The following TCF4 variants were observed in gnomAD, a reference collection of about 807,000 sequenced individuals.
The protein encoded by TCF4 is transcription factor 4.
TCF4 carries 3 observed loss-of-function variants against 82.1 expected under a neutral mutation model. The observed-to-expected ratio is 0.04, with a 90% CI of 0.02 to 0.09. The LOEUF is 0.09. Ranked by LOEUF, TCF4 falls within the 10% of genes least tolerant of loss-of-function variation. TCF4 has a pLI of 1.00. For synonymous variants in TCF4, 276 were observed against 309.6 expected (o/e 0.89, Z 1.14); for missense variants, 518 against 852.7 (o/e 0.61, Z 4.89).
chr18:55,416,243 T>C (rs953329044), intron 5 of TCF4, among the ~76,000 whole-genome samples: 2 of 151,926 alleles, frequency 1.3e-5, no homozygotes, highest in Admixed American at 6.6e-5. Context: ...ATAGCACAAA[T>C]TGAAAAAAAA....
intron 8 of TCF4, among the ~76,000 whole-genome samples, chr18:55,343,613 T>C (rs2080498995): frequency 6.6e-6 from 1 of 152,154 alleles, no homozygotes; most frequent in Non-Finnish European, 1.5e-5. Context: ...CCTGAAATTT[T>C]ACAAAATGCA....
At chr18:55,295,391 C>T (rs1047356819) in intron 8 of TCF4, among the ~76,000 whole-genome samples, 1 of 152,130 alleles carries the variant, frequency 6.6e-6, no homozygotes, top group Admixed American at 6.6e-5. Flanking sequence ...TGCCTGTTCT[C>T]CACTTCTTTA....
chr18:55,337,766 C>G (rs2078958254), intron 8 of TCF4, among the ~76,000 whole-genome samples: 1 of 152,012 alleles, frequency 6.6e-6, no homozygotes, highest in South Asian at 2.1e-4. Context: ...GTATTATTGC[C>G]TTATGCCAGA....
At chr18:55,503,389 A>G (rs914783688) in intron 3 of TCF4, among the ~76,000 whole-genome samples, 6 of 152,268 alleles carry the variant, frequency 3.9e-5, no homozygotes, top group East Asian at 3.9e-4. Context: ...ATCACTAGCC[A>G]TCTTCTACAC....
At chr18:55,395,342 C>A (rs2093425132) in intron 6 of TCF4, among the ~76,000 whole-genome samples, 1 of 152,186 alleles carries the variant, frequency 6.6e-6, no homozygotes, top group Non-Finnish European at 1.5e-5. Context: ...AGATGAAGAA[C>A]TGTAGTCCTA....
At chr18:55,305,520 T>C (rs766056846) in intron 8 of TCF4, among the ~76,000 whole-genome samples, 4 of 152,226 alleles carry the variant, frequency 2.6e-5, no homozygotes, top group Non-Finnish European at 5.9e-5. Flanking sequence ...TTTCAATTAA[T>C]ACTCCAGAAT....
chr18:55,340,341 G>C (rs2079612490), intron 8 of TCF4, among the ~76,000 whole-genome samples: 1 of 152,038 alleles, frequency 6.6e-6, no homozygotes, highest in African/African-American at 2.4e-5. Context: ...ATGATTAAAA[G>C]GGCTGACTAC....
chr18:55,270,888 T>C (rs550852498), intron 10 of TCF4, among the ~76,000 whole-genome samples: 5 of 152,244 alleles, frequency 3.3e-5, no homozygotes, highest in African/African-American at 1.2e-4. Context: ...GTTATTCTCA[T>C]AGGCATCTGA....
intron 8 of TCF4, among the ~76,000 whole-genome samples, chr18:55,338,336 C>T (rs879842249): frequency 5.9e-5 from 9 of 152,160 alleles, no homozygotes; most frequent in African/African-American, 1.2e-4. Context: ...AGATGGCAAG[C>T]GTGCCACAAA....
intron 8 of TCF4, among the ~76,000 whole-genome samples, chr18:55,299,384 C>T (rs1475248657): frequency 6.6e-6 from 1 of 151,250 alleles, no homozygotes; most frequent in African/African-American, 2.4e-5. Flanking sequence ...TGCACTCCAA[C>T]CTGGGCAACA....
At chr18:55,367,825 ATAGT>A (rs780602337) in intron 6 of TCF4, among the ~76,000 whole-genome samples, 1 of 152,262 alleles carries the variant, frequency 6.6e-6, no homozygotes, top group African/African-American at 2.4e-5. Flanking sequence ...TGATTAATAG[ATAGT>A]TAAACTCTAG....
At chr18:55,456,179 C>T (rs762644388) in intron 5 of TCF4, among the ~76,000 whole-genome samples, 7 of 152,204 alleles carry the variant, frequency 4.6e-5, no homozygotes, top group Admixed American at 3.3e-4. Flanking sequence ...ACCACAGTAA[C>T]CAAATCAAAA....
intron 3 of TCF4, among the ~76,000 whole-genome samples, chr18:55,487,831 C>T (rs945773024): frequency 2.0e-5 from 3 of 151,884 alleles, no homozygotes; most frequent in African/African-American, 7.3e-5. Flanking sequence ...GACTTGACTA[C>T]CTGATATATA....
intron 5 of TCF4, among the ~76,000 whole-genome samples, chr18:55,432,433 T>C (rs190325271): frequency 1.3e-5 from 2 of 151,400 alleles, no homozygotes; most frequent in Admixed American, 1.3e-4. Flanking sequence ...GAAGACTTAC[T>C]GTGCTTCAAA....
chr18:55,382,089 G>A (rs1332569201), intron 6 of TCF4, among the ~76,000 whole-genome samples: 1 of 152,070 alleles, frequency 6.6e-6, no homozygotes, highest in Non-Finnish European at 1.5e-5. Flanking sequence ...AGAAAAATTT[G>A]ATAAAAGCTC....
intron 5 of TCF4, among the ~76,000 whole-genome samples, chr18:55,408,335 T>C (rs149850720): frequency 6.6e-6 from 1 of 152,280 alleles, no homozygotes; most frequent in African/African-American, 2.4e-5. Flanking sequence ...ATGAGCCTTT[T>C]GTTCCCTGGC....
At chr18:55,504,480 T>G (rs767988769) in intron 3 of TCF4, among the ~76,000 whole-genome samples, 2 of 152,328 alleles carry the variant, frequency 1.3e-5, no homozygotes, top group East Asian at 3.9e-4. Context: ...TGCTAATAAG[T>G]ATAGACACTG....
chr18:55,379,970 C>T (rs1020828848), intron 6 of TCF4, among the ~76,000 whole-genome samples: 1 of 152,088 alleles, frequency 6.6e-6, no homozygotes, highest in Non-Finnish European at 1.5e-5. Context: ...ACTTTCCGGG[C>T]TCAGCTGATC....
intron 6 of TCF4, chr18:55,352,069 T>A: frequency 3.7e-6 from 1 of 272,130 alleles, no homozygotes; most frequent in Non-Finnish European, 5.6e-6. Flanking sequence ...ACAACAGACT[T>A]AGGGATGCTT....
Sources: gnomAD v4.1 joint callset for allele counts (sites outside exome capture counted in the v4.1 genomes callset) on GRCh38, gnomAD v4.1.1 for gene constraint, MANE v1.5 for transcripts, NCBI Gene and HGNC (gene_info 2026-07-23, HGNC 2026-07-21) for gene names.